CPNE1: variants seen among roughly 807,000 people sequenced by gnomAD.
CPNE1 encodes copine-1.
CPNE1 carries 58 observed loss-of-function variants against 63.2 expected under a neutral mutation model. The observed-to-expected ratio is 0.92, with a 90% CI of 0.74 to 1.14. The LOEUF (loss-of-function observed/expected upper bound fraction) is 1.14, where lower values mean the gene tolerates loss of function less well. CPNE1 is among the 50% of genes most tolerant of loss of function. CPNE1 has a pLI of 0.00. For missense variants in CPNE1, 672 were observed against 661.7 expected, an observed-to-expected ratio of 1.02 and a Z score of -0.17; for synonymous variants, 237 against 249.0, an observed-to-expected ratio of 0.95 and a Z score of 0.45.
At chr20:35,653,094 T>G (rs776394643) in intron 1 of CPNE1, 3 of 1,613,852 alleles carry the variant, frequency 1.9e-6, no homozygotes, top group Non-Finnish European at 2.5e-6. Flanking sequence ...AGGCCCCGCC[T>G]CCTAATCCTG....
Position 35,631,369 on chromosome 20 carries a change from A to G in CPNE1, c.715-15T>C. On this transcript the variant is annotated splice_polypyrimidine_tract_variant and intron_variant, in intron 8 of 15. Transcript: ENST00000397443. ...TCAAACTCAGCCTGGTGAGGACAGA[A>G]AAATTAGGGTAGGAAATTCTCAGAG... 1 of 1,613,576 alleles carries G rather than the reference A, an allele frequency of 6.2e-7. No homozygotes were observed. The highest frequency in any genetic ancestry group is 8.5e-7 in the Non-Finnish European group (1 of 1,179,536).
intron 13 of CPNE1, among the ~76,000 whole-genome samples, chr20:35,629,353 T>A (rs1172676232): frequency 1.3e-5 from 2 of 152,162 alleles, no homozygotes; most frequent in Non-Finnish European, 2.9e-5. Context: ...TTGTGCCCCC[T>A]TGGGGGTACT....
intron 1 of CPNE1, among the ~76,000 whole-genome samples, chr20:35,659,478 C>T (rs1451964662): frequency 6.6e-6 from 1 of 152,170 alleles, no homozygotes; most frequent in Non-Finnish European, 1.5e-5. Flanking sequence ...ATGGAAATTA[C>T]TGCAATTATT....
intron 1 of CPNE1, among the ~76,000 whole-genome samples, chr20:35,634,905 ATTTT>A (rs56017917): frequency 4.9e-5 from 6 of 122,094 alleles, no homozygotes; most frequent in Admixed American, 1.7e-4. Context: ...ACACCCAGCT[ATTTT>A]TTTTTTTTTT....
chr20:35,664,073 C>T (rs372103128), intron 1 of CPNE1, among the ~76,000 whole-genome samples: 1 of 152,136 alleles, frequency 6.6e-6, no homozygotes, highest in Non-Finnish European at 1.5e-5. Flanking sequence ...GTACTCACCC[C>T]ACCCCCTCAC....
At chr20:35,628,149 G>GT (rs1418747732) in intron 13 of CPNE1, among the ~76,000 whole-genome samples, 1 of 151,984 alleles carries the variant, frequency 6.6e-6, no homozygotes, top group Non-Finnish European at 1.5e-5. Context: ...GCCGGGCGTG[G>GT]TGGTGGGCGC....
chr20:35,628,020 G>A (rs1324590435), intron 13 of CPNE1, among the ~76,000 whole-genome samples: 1 of 152,048 alleles, frequency 6.6e-6, no homozygotes, highest in African/African-American at 2.4e-5. Flanking sequence ...AGTGGCTCAG[G>A]CCTGTAATCC....
In CPNE1 at chr20:35,631,381, G is replaced by T. The variant is rs750012379; in HGVS notation, c.715-27C>A. The T allele has an allele frequency of 4.3e-6, 7 of 1,612,176 alleles. No homozygotes were observed. In the Admixed American group the frequency reaches 1.2e-4, roughly 27 times the overall value. ...TGGTGAGGACAGAAAAATTAGGGTA[G>T]GAAATTCTCAGAGCATCAGTCAAGG... On this transcript the variant is annotated intron_variant, in intron 8 of 15. Coordinates refer to ENST00000397443, the MANE Select transcript of CPNE1 (RefSeq NM_152925.3).
chr20:35,644,640 G>C (rs757182257), intron 1 of CPNE1, among the ~76,000 whole-genome samples: 2 of 143,764 alleles, frequency 1.4e-5, no homozygotes, highest in African/African-American at 4.9e-5. Flanking sequence ...CCGATTCTGA[G>C]AATGTTATTT....
At chr20:35,644,840 C>A (rs1461908889) in intron 1 of CPNE1, among the ~76,000 whole-genome samples, 2 of 152,102 alleles carry the variant, frequency 1.3e-5, no homozygotes, top group African/African-American at 4.8e-5. Context: ...GGTAGGAAAT[C>A]CTGGACTCCA....
chr20:35,656,771 T>C (rs562524575), intron 1 of CPNE1, among the ~76,000 whole-genome samples: 7 of 147,324 alleles, frequency 4.8e-5, no homozygotes, highest in South Asian at 2.1e-4. Flanking sequence ...TCTTCCAAAG[T>C]GCTGGGATTA....
At chr20:35,655,321 A>G (rs2033830947) in intron 1 of CPNE1, 2 of 1,604,952 alleles carry the variant, frequency 1.2e-6, no homozygotes, top group Non-Finnish European at 1.7e-6. Context: ...GACCACAGCC[A>G]TGCTGCGCTG....
At chr20:35,662,650 T>C (rs542533011) in intron 1 of CPNE1, among the ~76,000 whole-genome samples, 11 of 152,320 alleles carry the variant, frequency 7.2e-5, no homozygotes, top group Admixed American at 5.9e-4. Flanking sequence ...ATTCATACAA[T>C]GACAGAATGG....
intron 1 of CPNE1, chr20:35,658,839 A>ACACACACAC: frequency 1.5e-6 from 1 of 646,282 alleles, no homozygotes; most frequent in African/African-American, 1.9e-5. Context: ...ACACACACAC[A>ACACACACAC]ATATAGTTGC....
intron 1 of CPNE1, chr20:35,658,818 C>G: frequency 1.8e-6 from 1 of 566,304 alleles, no homozygotes; most frequent in South Asian, 1.9e-5. Flanking sequence ...CACACACACA[C>G]ACACACACAC....
intron 1 of CPNE1, chr20:35,655,188 G>T: frequency 6.2e-7 from 1 of 1,614,124 alleles, no homozygotes; most frequent in Non-Finnish European, 8.5e-7. Context: ...TGGCAAAAAC[G>T]ATGAAAGCCT....
chr20:35,632,241 A>G lies in CPNE1; in HGVS notation c.385-7T>C. 1 of 1,613,946 alleles carries G rather than the reference A, an allele frequency of 6.2e-7. No individual in the cohort carries two copies. Among genetic ancestry groups the G allele is most frequent in the Non-Finnish European group, 8.5e-7 (1 of 1,179,844 alleles). On this transcript the variant is annotated splice_region_variant and splice_polypyrimidine_tract_variant and intron_variant, in intron 4 of 15. Transcript: ENST00000397443. ...TTAATTCCTGAGCTGAGACCTAGGT[A>G]GGGGAGACTACATCACCTCATGAAT...
At chr20:35,644,493 G>A (rs7273815) in intron 1 of CPNE1, among the ~76,000 whole-genome samples, 1 of 152,068 alleles carries the variant, frequency 6.6e-6, no homozygotes, top group African/African-American at 2.4e-5. Context: ...TCCAGAAACC[G>A]AATGGCTAGG....
At chr20:35,646,536 C>A (rs2033114903) in intron 1 of CPNE1, among the ~76,000 whole-genome samples, 2 of 151,880 alleles carry the variant, frequency 1.3e-5, no homozygotes, top group African/African-American at 4.8e-5. Flanking sequence ...CAAGTCTTAT[C>A]CACCAATCAA....
Sources: allele counts gnomAD v4.1 joint callset (sites outside exome capture counted in the v4.1 genomes callset), GRCh38; gene constraint gnomAD v4.1.1; transcripts MANE v1.5; gene names NCBI Gene and HGNC (gene_info 2026-07-23, HGNC 2026-07-21).